RBFOX1: variants seen among roughly 807,000 people sequenced by gnomAD.
RBFOX1 encodes the protein RNA binding fox-1 homolog 1.
In RBFOX1, 8 loss-of-function variants were observed where a neutral mutation model predicts 57.7. The observed-to-expected ratio is 0.14, with a 90% CI of 0.08 to 0.25. The LOEUF (loss-of-function observed/expected upper bound fraction) is 0.25, where lower values mean the gene tolerates loss of function less well. Among genes scored for constraint, RBFOX1 ranks in the 10% least tolerant of loss-of-function variants. The pLI, the probability that RBFOX1 is intolerant of heterozygous loss-of-function variation, is 1.00. For missense variants in RBFOX1, 611 were observed against 548.5 expected (o/e 1.11, Z -1.14); for synonymous variants, 326 against 222.4 (o/e 1.47, Z -4.15).
At chr16:7,687,325 C>G (rs1352893981) in intron 14 of RBFOX1, among the ~76,000 whole-genome samples, 1 of 151,950 alleles carries the variant, frequency 6.6e-6, no homozygotes, top group African/African-American at 2.4e-5. Context: ...AGGAACCTCC[C>G]TTTGAAGGTG....
At chr16:5,380,148 G>T (rs1233629932) in intron 1 of RBFOX1, among the ~76,000 whole-genome samples, 1 of 152,194 alleles carries the variant, frequency 6.6e-6, no homozygotes, top group African/African-American at 2.4e-5. Context: ...CCCGTCCTTG[G>T]CAGAGGCTCT....
In RBFOX1 at chr16:6,766,545, A is replaced by G. The variant is rs2077357333; in HGVS notation, c.-16+111895A>G. ...CTGTCCAATAGAACTTTCTGCAATG[A>G]CACCCATGTTCTTTATCATCAGTGT... On this transcript the variant is annotated intron_variant, in intron 3 of 15. Coordinates refer to ENST00000550418, the MANE Select transcript of RBFOX1 (RefSeq NM_018723.4). 2.0e-5 allele frequency among the ~76,000 whole-genome samples: 3 copies of G among 151,836 alleles called. No homozygotes were observed. In the South Asian group the frequency reaches 6.3e-4, roughly 32 times the overall value.
chr16:6,727,023 C>T (rs371082080), intron 3 of RBFOX1, among the ~76,000 whole-genome samples: 2 of 109,300 alleles, frequency 1.8e-5, no homozygotes, highest in African/African-American at 6.2e-5. Context: ...GATGAGAGCG[C>T]CTCATGACCT....
chr16:7,054,134 T>C (rs2051095089), intron 4 of RBFOX1, among the ~76,000 whole-genome samples: 2 of 144,626 alleles, frequency 1.4e-5, no homozygotes, highest in African/African-American at 5.2e-5. Context: ...CCTCCCTCTT[T>C]TCCTTTCACA....
At chr16:5,787,075 A>G (rs2054527779) in intron 3 of RBFOX1, among the ~76,000 whole-genome samples, 1 of 152,206 alleles carries the variant, frequency 6.6e-6, no homozygotes, top group South Asian at 2.1e-4. Flanking sequence ...TGGAGGTTGC[A>G]GTGTGCTGAG....
intron 2 of RBFOX1, among the ~76,000 whole-genome samples, chr16:5,582,572 TA>T (rs1567257364): frequency 1.9e-5 from 2 of 106,052 alleles, no homozygotes; most frequent in East Asian, 2.9e-4. Context: ...TTTTTTTTTT[TA>T]AACGGAGTCT....
chr16:6,906,964 T>C (rs1457365456), intron 3 of RBFOX1, among the ~76,000 whole-genome samples: 1 of 152,122 alleles, frequency 6.6e-6, no homozygotes. Context: ...CCTTAAGTGA[T>C]CAGCCCACCT....
chr16:6,243,056 G>A (rs535504039), intron 1 of RBFOX1, among the ~76,000 whole-genome samples: 2 of 152,120 alleles, frequency 1.3e-5, no homozygotes, highest in Non-Finnish European at 2.9e-5. Flanking sequence ...TTAACAGAGA[G>A]TGAAGGTAAA....
At chr16:6,726,467 C>T (rs1423996438) in intron 3 of RBFOX1, among the ~76,000 whole-genome samples, 2 of 151,734 alleles carry the variant, frequency 1.3e-5, no homozygotes, top group East Asian at 1.9e-4. Flanking sequence ...TAGCTCTTCC[C>T]GTTCCCAAGT....
chr16:7,492,572 A>T (rs1232997002), intron 4 of RBFOX1, among the ~76,000 whole-genome samples: 4 of 152,202 alleles, frequency 2.6e-5, no homozygotes, highest in South Asian at 2.1e-4. Flanking sequence ...TAGTGATATC[A>T]TTTAGATATT....
intron 2 of RBFOX1, among the ~76,000 whole-genome samples, chr16:6,391,717 C>G (rs1022111810): frequency 3.3e-5 from 5 of 151,998 alleles, no homozygotes; most frequent in Non-Finnish European, 7.4e-5. Flanking sequence ...ATAAAGTTGA[C>G]AGAATTTATT....
intron 3 of RBFOX1, among the ~76,000 whole-genome samples, chr16:5,820,638 C>G (rs1051018818): frequency 2.6e-4 from 40 of 152,278 alleles, no homozygotes; most frequent in African/African-American, 8.9e-4. Flanking sequence ...GAACGTTTTC[C>G]CCATGAATCA....
intron 4 of RBFOX1, among the ~76,000 whole-genome samples, chr16:7,156,070 C>T (rs1040788594): frequency 4.0e-5 from 6 of 151,872 alleles, no homozygotes; most frequent in African/African-American, 1.2e-4. Flanking sequence ...TAGAGTTTCA[C>T]CATGTTGCTC....
At chr16:5,996,126 A>C (rs1187383888) in intron 4 of RBFOX1, among the ~76,000 whole-genome samples, 1 of 152,134 alleles carries the variant, frequency 6.6e-6, no homozygotes, top group East Asian at 1.9e-4. Context: ...AACACCATCA[A>C]CTTTGGTGTT....
intron 3 of RBFOX1, among the ~76,000 whole-genome samples, chr16:7,017,897 G>A (rs1287432514): frequency 2.0e-5 from 3 of 152,180 alleles, no homozygotes; most frequent in Non-Finnish European, 4.4e-5. Flanking sequence ...ACAACAGAGA[G>A]ATGAAAGACA....
At chr16:6,088,845 C>A (rs1026109474) in intron 1 of RBFOX1, among the ~76,000 whole-genome samples, 2 of 151,978 alleles carry the variant, frequency 1.3e-5, no homozygotes, top group East Asian at 3.9e-4. Flanking sequence ...GCCTGTAATC[C>A]CAGCACTTTG....
intron 3 of RBFOX1, among the ~76,000 whole-genome samples, chr16:6,679,176 G>A (rs1463495966): frequency 6.6e-6 from 1 of 152,092 alleles, no homozygotes; most frequent in African/African-American, 2.4e-5. Context: ...TTCAGTCTGA[G>A]TCTCCATCTA....
intron 1 of RBFOX1, among the ~76,000 whole-genome samples, chr16:6,216,706 C>T (rs1007729391): frequency 1.3e-5 from 2 of 152,114 alleles, no homozygotes; most frequent in South Asian, 2.1e-4. Context: ...TCTAGCTGTG[C>T]TCTCTGATCC....
chr16:6,573,689 A>T (rs756960984), intron 2 of RBFOX1: 1 of 152,194 alleles, frequency 6.6e-6, no homozygotes, highest in Admixed American at 6.5e-5. Flanking sequence ...TGACATGCTC[A>T]GGGGTGACGC....
Sources: gnomAD v4.1 joint callset for allele counts (sites outside exome capture counted in the v4.1 genomes callset) on GRCh38, gnomAD v4.1.1 for gene constraint, MANE v1.5 for transcripts, NCBI Gene and HGNC (gene_info 2026-07-23, HGNC 2026-07-21) for gene names.